Variants in IPPK observed in about 807,000 individuals in gnomAD.
IPPK encodes inositol-pentakisphosphate 2-kinase, also known as IPK1 homolog.
IPPK carries 22 observed loss-of-function variants against 64.6 expected under a neutral mutation model. The observed-to-expected ratio is 0.34, with a 90% CI of 0.24 to 0.49. The LOEUF is 0.49. IPPK is among the 20% of genes least tolerant of loss of function. The probability of loss-of-function intolerance (pLI) is 0.99; values close to 1 mark genes in which losing one functional copy is unlikely to be tolerated. For missense variants in IPPK, 532 were observed against 630.7 expected, an observed-to-expected ratio of 0.84 and a Z score of 1.68; for synonymous variants, 262 against 247.2, an observed-to-expected ratio of 1.06 and a Z score of -0.56.
chr9:92,669,747 G>A (rs754600), intron 1 of IPPK, among the ~76,000 whole-genome samples, 161 bp downstream of exon 1: 27,893 of 151,612 alleles, frequency 0.18, 3,810 homozygotes, highest in East Asian at 0.73. Context: ...AGCGGTAGGG[G>A]GGGATGCTGG....
chr9:92,648,733 T>C (rs547705134), intron 5 of IPPK, among the ~76,000 whole-genome samples: 1 of 152,120 alleles, frequency 6.6e-6, no homozygotes, highest in African/African-American at 2.4e-5. Context: ...GCCAGGAGTG[T>C]GACCCAGAAA....
At chr9:92,629,859 C>A (rs554999446) in intron 11 of IPPK, among the ~76,000 whole-genome samples, 8 of 152,072 alleles carry the variant, frequency 5.3e-5, no homozygotes, top group Non-Finnish European at 1.2e-4. Context: ...CTCTCGACGA[C>A]GGCTAAAATC....
chr9:92,640,686 C>T (rs57280131), intron 8 of IPPK, 24 bp downstream of exon 8: 3 of 1,552,432 alleles, frequency 1.9e-6, no homozygotes, highest in East Asian at 4.5e-5. Context: ...CCTGAAACCA[C>T]CATAGAATCA....
chr9:92,629,753 C>T (rs1851800858), intron 11 of IPPK, among the ~76,000 whole-genome samples: 1 of 150,918 alleles, frequency 6.6e-6, no homozygotes, highest in African/African-American at 2.4e-5. Context: ...ATAGACATTT[C>T]TCTGAAAAAG....
intron 12 of IPPK, chr9:92,619,220 G>C (rs1294660529): frequency 1.4e-5 from 6 of 421,998 alleles, no homozygotes; most frequent in Non-Finnish European, 2.2e-5. Context: ...CTGAGCTCTT[G>C]GGAGTATTTT....
intron 11 of IPPK, chr9:92,619,973 A>AG: frequency 4.6e-6 from 1 of 215,430 alleles, no homozygotes; most frequent in Non-Finnish European, 9.8e-6. Flanking sequence ...AGGAGAGCGC[A>AG]GGGGGTGTTC....
At chr9:92,658,534 T>C in intron 2 of IPPK, 100 bp downstream of exon 2, 1 of 998,982 alleles carries the variant, frequency 1.0e-6, no homozygotes, top group Non-Finnish European at 1.6e-6. Context: ...GTATCATCTT[T>C]GAATGCTACA....
chr9:92,640,576 C>G (rs1852027512), intron 8 of IPPK, 134 bp downstream of exon 8: 1 of 708,688 alleles, frequency 1.4e-6, no homozygotes, highest in African/African-American at 1.8e-5. Context: ...CTGAACCAGT[C>G]AGGGCATGAG....
intron 1 of IPPK, among the ~76,000 whole-genome samples, chr9:92,659,433 C>T (rs765210416): frequency 1.3e-5 from 2 of 152,160 alleles, no homozygotes; most frequent in Non-Finnish European, 2.9e-5. Context: ...AAAGGACATT[C>T]GGCACAAGTT....
intron 1 of IPPK, 63 bp downstream of exon 1, chr9:92,669,845 G>A: frequency 4.1e-6 from 5 of 1,231,934 alleles, no homozygotes; most frequent in South Asian, 1.2e-5. Context: ...CGGATAATGG[G>A]GGCGGGGTGA....
At chr9:92,659,667 G>A (rs1027925334) in intron 1 of IPPK, among the ~76,000 whole-genome samples, 2 of 152,122 alleles carry the variant, frequency 1.3e-5, no homozygotes, top group African/African-American at 4.8e-5. Flanking sequence ...TAAGCAGGAG[G>A]GAGGAAGCAG....
chr9:92,619,240 C>T, intron 12 of IPPK: 1 of 472,188 alleles, frequency 2.1e-6, no homozygotes, highest in Non-Finnish European at 3.8e-6. Context: ...TCTTAGAAAA[C>T]AGTAACTTTC....
intron 5 of IPPK, among the ~76,000 whole-genome samples, chr9:92,648,832 G>A (rs1244937643): frequency 4.6e-5 from 7 of 152,218 alleles, no homozygotes; most frequent in Admixed American, 2.6e-4. Context: ...CCCGACATGG[G>A]AAGCAGAGAG....
intron 1 of IPPK, among the ~76,000 whole-genome samples, chr9:92,666,662 G>T (rs1317558463): frequency 6.6e-6 from 1 of 152,204 alleles, no homozygotes; most frequent in Non-Finnish European, 1.5e-5. Flanking sequence ...GAAAGTTCAG[G>T]TGCACAACCA....
In IPPK at chr9:92,638,146, C is replaced by G. The variant is rs1470440989; in HGVS notation, c.771G>C (p.Val257=). ...LASGPHCTRA[V]IRELVHVITR... Reference sequence around the variant, plus strand: ...TGATCACGTGCACCAGCTCCCTGATCACAGCCCTTGTGCAGTGGGGCCCAC... The same window carrying G: ...TGATCACGTGCACCAGCTCCCTGATGACAGCCCTTGTGCAGTGGGGCCCAC... Residue 257 remains valine, a synonymous_variant, in exon 9 of 13, where the codon GTG becomes GTC. Coordinates refer to ENST00000287996, the MANE Select transcript of IPPK (RefSeq NM_022755.6). 2 of 1,614,124 alleles carry G rather than the reference C, an allele frequency of 1.2e-6. No homozygotes were observed. Among genetic ancestry groups the G allele is most frequent in the Non-Finnish European group, 8.5e-7 (1 of 1,180,052 alleles).
chr9:92,640,278 A>C (rs1852019855), intron 8 of IPPK, among the ~76,000 whole-genome samples: 1 of 151,928 alleles, frequency 6.6e-6, no homozygotes, highest in African/African-American at 2.4e-5. Flanking sequence ...TCCTCCGCAG[A>C]TGCCCCAACC....
chr9:92,615,521 A>G lies in IPPK; in HGVS notation c.*311T>C. 3.3e-6 allele frequency: 1 copy of G among 303,738 alleles called. No homozygotes were observed. The highest frequency in any genetic ancestry group is 4.2e-5 in the South Asian group (1 of 24,016). 18.8% of individuals were successfully genotyped at this position (303,738 alleles called of 1,614,324 possible). On this transcript the variant is annotated 3_prime_UTR_variant, in exon 13 of 13. Transcript: ENST00000287996. ...TGGGTCTTAGAATAAGGCTTTTCGCATTAGAGAATCAGACATGAGCCCTGG... is the reference window on the plus strand; with the variant it reads ...TGGGTCTTAGAATAAGGCTTTTCGCGTTAGAGAATCAGACATGAGCCCTGG...
At chr9:92,629,494 G>A (rs952522314) in intron 11 of IPPK, among the ~76,000 whole-genome samples, 2 of 152,088 alleles carry the variant, frequency 1.3e-5, no homozygotes, top group African/African-American at 4.8e-5. Flanking sequence ...GCTCACACCT[G>A]TAATCCCAGC....
At chr9:92,664,490 G>A (rs765354038) in intron 1 of IPPK, among the ~76,000 whole-genome samples, 11 of 152,188 alleles carry the variant, frequency 7.2e-5, no homozygotes, top group Non-Finnish European at 1.6e-4. Flanking sequence ...CTGACCTCAT[G>A]GTGTCCTCTG....
Sources: gnomAD v4.1 joint callset for allele counts (sites outside exome capture counted in the v4.1 genomes callset) on GRCh38, gnomAD v4.1.1 for gene constraint, MANE v1.5 for transcripts, NCBI Gene and HGNC (gene_info 2026-07-23, HGNC 2026-07-21) for gene names.